Variants in ZDHHC21 observed in about 807,000 individuals in gnomAD.
ZDHHC21 encodes zDHHC palmitoyltransferase 21.
A neutral mutation model predicts 34.6 loss-of-function variants in ZDHHC21; 15 were observed. That is an observed-to-expected ratio of 0.43 (90% CI 0.29 to 0.67). ZDHHC21 has a LOEUF of 0.67. Ranked by LOEUF, ZDHHC21 falls within the 30% of genes least tolerant of loss-of-function variation. The pLI, the probability that ZDHHC21 is intolerant of heterozygous loss-of-function variation, is 0.14. For synonymous variants in ZDHHC21, 142 were observed against 101.8 expected (o/e 1.40, Z -2.38); for missense variants, 344 against 327.7 (o/e 1.05, Z -0.38).
At chr9:14,686,275 T>C (rs1300733112) in intron 2 of ZDHHC21, among the ~76,000 whole-genome samples, 2 of 148,110 alleles carry the variant, frequency 1.4e-5, no homozygotes, top group African/African-American at 2.5e-5. Context: ...TCTGGGAGAA[T>C]TTAAATAAAT....
intron 4 of ZDHHC21, among the ~76,000 whole-genome samples, 165 bp from the exon 5 acceptor site, chr9:14,673,093 T>C (rs1246268472): frequency 6.6e-6 from 1 of 151,988 alleles, no homozygotes; most frequent in African/African-American, 2.4e-5. Context: ...AATAACACTG[T>C]CAGGAGGACT....
At chr9:14,676,000 G>C (rs1286737655) in intron 3 of ZDHHC21, among the ~76,000 whole-genome samples, 1 of 151,938 alleles carries the variant, frequency 6.6e-6, no homozygotes, top group Non-Finnish European at 1.5e-5. Flanking sequence ...AGAAATATGG[G>C]CCTATATCAT....
intron 7 of ZDHHC21, among the ~76,000 whole-genome samples, chr9:14,645,935 G>C (rs1830211118): frequency 6.6e-6 from 1 of 152,126 alleles, no homozygotes; most frequent in Non-Finnish European, 1.5e-5. Context: ...GAGGCCATCA[G>C]AATTCATATA....
chr9:14,639,395 T>C (rs1828908717), intron 8 of ZDHHC21, among the ~76,000 whole-genome samples: 1 of 151,954 alleles, frequency 6.6e-6, no homozygotes, highest in Non-Finnish European at 1.5e-5. Flanking sequence ...GAGAGTGTGG[T>C]TAATGGTTAT....
intron 6 of ZDHHC21, 21 bp downstream of exon 6, chr9:14,662,194 C>T (rs1833521708): frequency 2.6e-6 from 4 of 1,551,056 alleles, no homozygotes; most frequent in South Asian, 1.2e-5. Flanking sequence ...CTTTTCTTTG[C>T]TAGAAGTGAA....
chr9:14,689,929 C>T (rs139923320), intron 2 of ZDHHC21, among the ~76,000 whole-genome samples: 3 of 151,920 alleles, frequency 2.0e-5, no homozygotes, highest in Admixed American at 1.3e-4. Context: ...TGGGGTGATA[C>T]GAATTAAAGA....
chr9:14,598,207 C>G, the ZDHHC21 span, among the ~76,000 whole-genome samples: 3 of 152,104 alleles, frequency 2.0e-5, no homozygotes, highest in African/African-American at 7.2e-5. Context: ...CAAGGGCCAA[C>G]ATACCTAGCC....
Position 14,642,961 on chromosome 9 carries a change from G to A in ZDHHC21, c.505-2949C>T, listed in dbSNP as rs1829636941. 3.9e-5 allele frequency among the ~76,000 whole-genome samples: 6 copies of A among 152,264 alleles called. 1 individual carries two copies. In the South Asian group the frequency reaches 1.2e-3, roughly 32 times the overall value. ...GTTTAAAGAAAAGTAACACTGGGCT[G>A]GGTACGGTGGCTCACGCCTGTAATC... On this transcript the variant is annotated intron_variant, in intron 7 of 9. Transcript: ENST00000380916.
intron 4 of ZDHHC21, 96 bp from the exon 5 acceptor site, chr9:14,673,024 C>T: frequency 1.4e-6 from 1 of 720,554 alleles, no homozygotes; most frequent in African/African-American, 1.8e-5. Context: ...TTTTAACAAA[C>T]ACCATCAGGA....
Position 14,672,890 on chromosome 9 carries a change from C to A in ZDHHC21, c.193G>T (p.Val65Leu). Residue 65 changes from valine to leucine, a missense_variant, in exon 5 of 10, where the codon GTG becomes TTG. Transcript: ENST00000380916. ...GISIFCLVALVRASITDPGRL... is the reference protein window; with the variant it reads ...GISIFCLVALLRASITDPGRL... ...CCTGGATCAGTTATGGAGGCCCTCA[C>A]TAAGGCAACCAGACAGAATATGGAA... is the stretch of plus-strand genomic sequence containing the variant. The A allele has an allele frequency of 2.5e-6, 4 of 1,607,328 alleles. No individual in the cohort carries two copies. The highest frequency in any genetic ancestry group is 3.4e-6 in the Non-Finnish European group (4 of 1,175,658).
chr9:14,625,718 TAAAC>T (rs145988171), intron 8 of ZDHHC21, among the ~76,000 whole-genome samples: 13,650 of 151,946 alleles, frequency 0.09, 748 homozygotes, highest in Middle Eastern at 0.15. Flanking sequence ...ACATTATGTT[TAAAC>T]AAACAAACAA....
chr9:14,680,063 T>C lies in ZDHHC21; in HGVS notation c.-76A>G, dbSNP rs1347454256. 2 of 152,538 alleles carry C rather than the reference T, an allele frequency of 1.3e-5. No homozygotes were observed. Among genetic ancestry groups the C allele is most frequent in the African/African-American group, 4.8e-5 (2 of 41,436 alleles). 9.4% of individuals were successfully genotyped at this position (152,538 alleles called of 1,614,324 possible). A position where few individuals can be genotyped will look rare whatever the true frequency, so the allele number is the denominator to read the frequency against. On this transcript the variant is annotated 5_prime_UTR_variant, in exon 3 of 10. Transcript: ENST00000380916. Reference sequence around the variant, plus strand: ...GCAAATTCACTGAGATGTGCTGTAATTTTTCTGGAATCTGCATTTAGAGAT... The same window carrying C: ...GCAAATTCACTGAGATGTGCTGTAACTTTTCTGGAATCTGCATTTAGAGAT...
At chr9:14,631,460 A>T (rs892835565) in intron 8 of ZDHHC21, among the ~76,000 whole-genome samples, 1 of 152,208 alleles carries the variant, frequency 6.6e-6, no homozygotes, top group Non-Finnish European at 1.5e-5. Flanking sequence ...CCATATCAAC[A>T]ATAAAGCTGC....
intron 5 of ZDHHC21, among the ~76,000 whole-genome samples, chr9:14,667,515 T>A (rs373555146): frequency 7.0e-6 from 1 of 142,072 alleles, no homozygotes; most frequent in Non-Finnish European, 1.5e-5. Context: ...CCAGCATCAT[T>A]CTGATACCAA....
At chr9:14,692,199 G>T (rs985616141) in intron 1 of ZDHHC21, among the ~76,000 whole-genome samples, 2 of 152,140 alleles carry the variant, frequency 1.3e-5, no homozygotes, top group African/African-American at 4.8e-5. Flanking sequence ...AGAGTTGGAA[G>T]AATTTAATAT....
chr9:14,650,349 C>T (rs9695032), intron 7 of ZDHHC21, among the ~76,000 whole-genome samples: 143,317 of 151,982 alleles, frequency 0.94, 67,609 homozygotes, highest in Non-Finnish European at 0.96. Context: ...TATATTAGCA[C>T]TAAAAATAAT....
chr9:14,644,100 C>A (rs566629230), intron 7 of ZDHHC21, among the ~76,000 whole-genome samples: 2 of 152,268 alleles, frequency 1.3e-5, no homozygotes. Context: ...TTCTAAAGGA[C>A]TTGCACTTTG....
At chr9:14,660,577 A>T (rs1833205982) in intron 6 of ZDHHC21, among the ~76,000 whole-genome samples, 2 of 152,044 alleles carry the variant, frequency 1.3e-5, no homozygotes, top group Admixed American at 6.5e-5. Context: ...TCTATCAGGA[A>T]ATTCAATGAT....
intron 7 of ZDHHC21, among the ~76,000 whole-genome samples, chr9:14,643,199 G>C (rs1472633858): frequency 2.6e-5 from 4 of 152,202 alleles, no homozygotes; most frequent in African/African-American, 9.7e-5. Flanking sequence ...AGTGAGCCGA[G>C]ATCGTGCCAC....
Sources: gnomAD v4.1 joint callset for allele counts (sites outside exome capture counted in the v4.1 genomes callset) on GRCh38, gnomAD v4.1.1 for gene constraint, MANE v1.5 for transcripts, NCBI Gene and HGNC (gene_info 2026-07-23, HGNC 2026-07-21) for gene names.